The following NBAS variants were observed in gnomAD, a reference collection of about 807,000 sequenced individuals.
NBAS encodes NAG/BC035112 fusion.
In NBAS, 219 loss-of-function variants were observed where a neutral mutation model predicts 302.5. The observed-to-expected ratio is 0.72, with a 90% CI of 0.65 to 0.81. The LOEUF (loss-of-function observed/expected upper bound fraction) is 0.81, where lower values mean the gene tolerates loss of function less well. Ranked by LOEUF, NBAS falls within the 30% of genes least tolerant of loss-of-function variation. The pLI, the probability that NBAS is intolerant of heterozygous loss-of-function variation, is 0.00. For missense variants in NBAS, 2,932 were observed against 2,841.6 expected (o/e 1.03, Z -0.72); for synonymous variants, 1,118 against 1,021.6 (o/e 1.09, Z -1.80).
At chr2:14,818,928 AC>A in the NBAS span, among the ~76,000 whole-genome samples, 3 of 152,096 alleles carry the variant, frequency 2.0e-5, no homozygotes, top group Non-Finnish European at 2.9e-5. Context: ...CTTTCCTACT[AC>A]CCTTTTTTAC....
the NBAS span, among the ~76,000 whole-genome samples, chr2:14,882,812 G>A: frequency 6.6e-6 from 1 of 152,206 alleles, no homozygotes; most frequent in Non-Finnish European, 1.5e-5. Flanking sequence ...CATGTTTATA[G>A]TAGGAGCCTG....
intron 44 of NBAS, among the ~76,000 whole-genome samples, chr2:15,243,444 T>C (rs918675252): frequency 6.6e-6 from 1 of 152,206 alleles, no homozygotes; most frequent in Non-Finnish European, 1.5e-5. Context: ...CAGGCCCCTT[T>C]GCAGTCTTTT....
intron 19 of NBAS, among the ~76,000 whole-genome samples, chr2:15,465,059 C>T (rs984373497): frequency 1.3e-5 from 2 of 152,160 alleles, no homozygotes; most frequent in African/African-American, 4.8e-5. Context: ...ATGATAGTAC[C>T]CATCTCATAA....
At chr2:15,177,933 TA>T (rs1460714902) in intron 51 of NBAS, 1 of 316,478 alleles carries the variant, frequency 3.2e-6, no homozygotes, top group African/African-American at 2.2e-5. Flanking sequence ...AAAACACATC[TA>T]AATGAATAAA....
At chr2:15,127,868 A>G in the NBAS span, among the ~76,000 whole-genome samples, 1 of 151,986 alleles carries the variant, frequency 6.6e-6, no homozygotes, top group African/African-American at 2.4e-5. Flanking sequence ...TGAGCCCCTG[A>G]CCCCCAACCC....
chr2:14,930,968 G>A, the NBAS span, among the ~76,000 whole-genome samples: 1 of 152,130 alleles, frequency 6.6e-6, no homozygotes, highest in East Asian at 1.9e-4. Context: ...GTGGGAGGAA[G>A]GTCAAATGAG....
intron 11 of NBAS, among the ~76,000 whole-genome samples, chr2:15,496,042 A>T (rs1681054024): frequency 6.6e-6 from 1 of 151,896 alleles, no homozygotes; most frequent in Non-Finnish European, 1.5e-5. Flanking sequence ...TGATGAATGG[A>T]TAAATAAAAC....
chr2:15,474,323 C>T lies in NBAS; in HGVS notation c.1343G>A (p.Cys448Tyr). The change falls in exon 15 of 52, where the codon TGT (cysteine) becomes TAT (tyrosine). Residue 448 changes from cysteine (C) to tyrosine (Y), a missense_variant and splice_region_variant. Cys to Tyr is a radical substitution (Grantham distance 194). Coordinates refer to ENST00000281513, the MANE Select transcript of NBAS (RefSeq NM_015909.4). ...TCGTTTGGGGGCAAGTTTAATCTCA[C>T]ACTAAATTGAAAAAGGAGATTTGAA... ...THDGGFLSLE[C>Y]EIKLAPKRSR... The T allele has an allele frequency of 6.2e-7, 1 of 1,610,016 alleles. No homozygotes were observed. Among genetic ancestry groups the T allele is most frequent in the Non-Finnish European group, 8.5e-7 (1 of 1,178,262 alleles).
chr2:15,360,351 A>C (rs1235421097), intron 32 of NBAS, among the ~76,000 whole-genome samples: 3 of 150,908 alleles, frequency 2.0e-5, no homozygotes, highest in Admixed American at 2.0e-4. Context: ...AAAAAACAAA[A>C]CAAAACAGAA....
intron 48 of NBAS, among the ~76,000 whole-genome samples, chr2:15,213,364 A>G (rs561060005): frequency 2.6e-4 from 40 of 152,366 alleles, no homozygotes; most frequent in African/African-American, 8.9e-4. Context: ...GCAGCAGTTA[A>G]CATATATAGT....
At chr2:15,137,356 C>T in the NBAS span, among the ~76,000 whole-genome samples, 5 of 152,130 alleles carry the variant, frequency 3.3e-5, no homozygotes, top group African/African-American at 9.7e-5. Flanking sequence ...TAATTCCTAC[C>T]TGTCTTAGTC....
the NBAS span, among the ~76,000 whole-genome samples, chr2:15,034,443 G>A: frequency 6.6e-6 from 1 of 152,044 alleles, no homozygotes; most frequent in Non-Finnish European, 1.5e-5. Context: ...CTGGCACCCT[G>A]ATCTTGGACT....
the NBAS span, among the ~76,000 whole-genome samples, chr2:14,978,880 G>A: frequency 6.6e-6 from 1 of 151,932 alleles, no homozygotes; most frequent in Non-Finnish European, 1.5e-5. Context: ...TATCTTTATG[G>A]AAAGGCTCCT....
At chr2:15,398,108 T>C (rs1399296803) in intron 26 of NBAS, among the ~76,000 whole-genome samples, 1 of 147,806 alleles carries the variant, frequency 6.8e-6, no homozygotes, top group Non-Finnish European at 1.5e-5. Context: ...TGTGTGTGTG[T>C]TTGTGTATGT....
At chr2:14,803,058 A>G in the NBAS span, among the ~76,000 whole-genome samples, 1 of 152,208 alleles carries the variant, frequency 6.6e-6, no homozygotes, top group African/African-American at 2.4e-5. Context: ...TAAAAATAAA[A>G]AAATAAAAAC....
chr2:15,411,020 G>A (rs1180286093), intron 25 of NBAS, among the ~76,000 whole-genome samples: 1 of 152,178 alleles, frequency 6.6e-6, no homozygotes, highest in South Asian at 2.1e-4. Context: ...TTCAGCCTGA[G>A]CTAAGGCACT....
intron 38 of NBAS, among the ~76,000 whole-genome samples, chr2:15,323,349 C>CA (rs2148209115): frequency 6.6e-6 from 1 of 152,244 alleles, no homozygotes; most frequent in East Asian, 1.9e-4. Flanking sequence ...ATGTGGTACT[C>CA]AGAGTTTGAG....
chr2:15,519,616 T>A (rs1489694527), intron 9 of NBAS, among the ~76,000 whole-genome samples: 3 of 152,110 alleles, frequency 2.0e-5, no homozygotes, highest in East Asian at 1.9e-4. Flanking sequence ...TTTCTTTTTT[T>A]AAACTTTTGT....
At chr2:15,366,463 G>A in intron 32 of NBAS, 117 bp downstream of exon 32, 1 of 976,652 alleles carries the variant, frequency 1.0e-6, no homozygotes, top group Non-Finnish European at 1.6e-6. Flanking sequence ...GCGAGACCCT[G>A]TCTAATAAAA....
Sources: allele counts gnomAD v4.1 joint callset (sites outside exome capture counted in the v4.1 genomes callset), GRCh38; gene constraint gnomAD v4.1.1; transcripts MANE v1.5; gene names NCBI Gene and HGNC (gene_info 2026-07-23, HGNC 2026-07-21).